Variants in RSRC1 observed in about 807,000 individuals in gnomAD.
RSRC1 encodes serine/Arginine-related protein 53.
Under a neutral mutation model 49.1 loss-of-function variants are expected in RSRC1, and 39 were observed. The ratio of observed to expected loss-of-function variants is 0.79; its 90% confidence interval spans 0.61 to 1.04. RSRC1 has a LOEUF of 1.04. RSRC1 is among the 50% of genes least tolerant of loss of function. The probability of loss-of-function intolerance (pLI) is 0.00; values close to 1 mark genes in which losing one functional copy is unlikely to be tolerated. For missense variants in RSRC1, 388 were observed against 402.4 expected, an observed-to-expected ratio of 0.96 and a Z score of 0.31; for synonymous variants, 143 against 130.8, an observed-to-expected ratio of 1.09 and a Z score of -0.63.
At chr3:158,456,303 G>A (rs1429700849) in intron 6 of RSRC1, among the ~76,000 whole-genome samples, 4 of 139,762 alleles carry the variant, frequency 2.9e-5, no homozygotes, top group Admixed American at 7.1e-5. Flanking sequence ...TGAGGATTAC[G>A]TGAGGGTTTT....
intron 3 of RSRC1, among the ~76,000 whole-genome samples, chr3:158,145,080 T>C (rs942106313): frequency 1.3e-5 from 2 of 152,208 alleles, no homozygotes; most frequent in Non-Finnish European, 2.9e-5. Flanking sequence ...ATTCTGTAGG[T>C]TGCCTGTTCA....
chr3:158,533,919 TTC>T (rs1381570627), intron 7 of RSRC1, among the ~76,000 whole-genome samples: 1 of 151,664 alleles, frequency 6.6e-6, no homozygotes, highest in Non-Finnish European at 1.5e-5. Flanking sequence ...GCAAAGAATC[TTC>T]TCTCATTTCA....
intron 3 of RSRC1, among the ~76,000 whole-genome samples, chr3:158,161,457 A>G (rs1227388267): frequency 6.6e-6 from 1 of 152,166 alleles, no homozygotes; most frequent in Non-Finnish European, 1.5e-5. Flanking sequence ...AGGGCAAGGA[A>G]GAATACTAAT....
At chr3:158,130,266 A>G (rs2108178166) in intron 3 of RSRC1, among the ~76,000 whole-genome samples, 1 of 152,306 alleles carries the variant, frequency 6.6e-6, no homozygotes, top group Admixed American at 6.5e-5. Flanking sequence ...CACCAGACCC[A>G]TCTTCAGATA....
chr3:158,333,738 G>A (rs533462981), intron 5 of RSRC1, among the ~76,000 whole-genome samples: 8 of 152,308 alleles, frequency 5.3e-5, no homozygotes, highest in Admixed American at 3.3e-4. Flanking sequence ...AACACAGAAG[G>A]TTTTGTCAAG....
intron 3 of RSRC1, among the ~76,000 whole-genome samples, chr3:158,168,910 C>T (rs12486445): frequency 0.12 from 17,998 of 151,796 alleles, 1,338 homozygotes; most frequent in Middle Eastern, 0.19. Context: ...CTGAACAGAC[C>T]CCCTTTTGGC....
At chr3:158,186,447 A>T (rs1205633367) in intron 3 of RSRC1, among the ~76,000 whole-genome samples, 3 of 151,972 alleles carry the variant, frequency 2.0e-5, no homozygotes, top group African/African-American at 7.2e-5. Flanking sequence ...TTTTATGGTT[A>T]CTTTCAGATT....
At chr3:158,147,796 A>G (rs539929842) in intron 3 of RSRC1, among the ~76,000 whole-genome samples, 94 of 152,326 alleles carry the variant, frequency 6.2e-4, no homozygotes, top group Non-Finnish European at 9.9e-4. Context: ...AGAAATTCTC[A>G]TATTATAATC....
chr3:158,513,869 T>G (rs1010659501), intron 7 of RSRC1, among the ~76,000 whole-genome samples: 5 of 152,312 alleles, frequency 3.3e-5, no homozygotes, highest in South Asian at 2.1e-4. Context: ...GTCAAGGAAT[T>G]TATCCATTTC....
In RSRC1 at chr3:158,118,035, G is replaced by A. The variant is rs1242241551; in HGVS notation, c.-2-4068G>A. ...CACAATGTTGGCTCACTGTAGCCTC[G>A]CCCACTTGGGCTCCGGTGATCCTCC... On this transcript the variant is annotated intron_variant, in intron 1 of 9. Transcript: ENST00000611884. Among the ~76,000 whole-genome samples, 6 of 151,884 alleles carry A rather than the reference G, an allele frequency of 4.0e-5. No homozygotes were observed. The East Asian group carries it at 7.8e-4, about 20-fold the overall frequency.
intron 7 of RSRC1, among the ~76,000 whole-genome samples, chr3:158,494,287 C>G (rs1234287065): frequency 2.0e-5 from 3 of 152,110 alleles, no homozygotes; most frequent in Non-Finnish European, 2.9e-5. Flanking sequence ...ATATTTGTGT[C>G]TCAAAACATA....
intron 4 of RSRC1, among the ~76,000 whole-genome samples, chr3:158,209,486 T>C (rs942671090): frequency 2.0e-5 from 3 of 152,110 alleles, no homozygotes; most frequent in African/African-American, 7.2e-5. Context: ...CAGCACAGAA[T>C]GCACCAAGAC....
At chr3:158,170,387 A>G (rs1718810050) in intron 3 of RSRC1, among the ~76,000 whole-genome samples, 1 of 150,236 alleles carries the variant, frequency 6.7e-6, no homozygotes, top group African/African-American at 2.5e-5. Context: ...ATGTTTCTGG[A>G]ATAATGTGAG....
chr3:158,413,402 G>C (rs904409616), intron 6 of RSRC1, among the ~76,000 whole-genome samples: 3 of 152,082 alleles, frequency 2.0e-5, no homozygotes, highest in African/African-American at 7.2e-5. Context: ...GAAAATCTAG[G>C]CAATACCATT....
chr3:158,472,126 C>G (rs115392791), intron 7 of RSRC1, among the ~76,000 whole-genome samples: 2,320 of 152,122 alleles, frequency 0.015, 79 homozygotes, highest in African/African-American at 0.053. Context: ...TTGTTCCTAC[C>G]TACCATATAT....
chr3:158,310,934 T>C (rs1728087856), intron 5 of RSRC1, among the ~76,000 whole-genome samples: 1 of 151,812 alleles, frequency 6.6e-6, no homozygotes. Context: ...TCAATCACCT[T>C]TGTTACAATT....
chr3:158,507,178 G>A (rs1174640877), intron 7 of RSRC1, among the ~76,000 whole-genome samples: 3 of 152,006 alleles, frequency 2.0e-5, no homozygotes, highest in African/African-American at 4.8e-5. Flanking sequence ...ATCACATGTG[G>A]GAGCTAAAAG....
rs1204938772 is a variant in RSRC1, at chr3:158,261,902, G to A, written c.495-36137G>A. Among the ~76,000 whole-genome samples, 7 of 152,150 alleles carry A rather than the reference G, an allele frequency of 4.6e-5. No homozygotes were observed. In the South Asian group the frequency reaches 6.2e-4, roughly 14 times the overall value. ...TATATATGACAATGTAATAGTAATAGAAATATAGTGCACGGTAATTGTAAT... is the reference window on the plus strand; with the variant it reads ...TATATATGACAATGTAATAGTAATAAAAATATAGTGCACGGTAATTGTAAT... On this transcript the variant is annotated intron_variant, in intron 4 of 9. Coordinates refer to ENST00000611884, the MANE Select transcript of RSRC1 (RefSeq NM_001271838.2).
chr3:158,321,863 G>T (rs1374895030), intron 5 of RSRC1, among the ~76,000 whole-genome samples: 1 of 151,758 alleles, frequency 6.6e-6, no homozygotes, highest in Non-Finnish European at 1.5e-5. Flanking sequence ...TTGTACTATT[G>T]CAATCACGAA....
Sources: allele counts gnomAD v4.1 joint callset (sites outside exome capture counted in the v4.1 genomes callset), GRCh38; gene constraint gnomAD v4.1.1; transcripts MANE v1.5; gene names NCBI Gene and HGNC (gene_info 2026-07-23, HGNC 2026-07-21).